Variants in SPAG16 observed in about 807,000 individuals in gnomAD.
SPAG16 encodes sperm associated antigen 16, also known as sperm-associated antigen 16 protein.
A neutral mutation model predicts 80.4 loss-of-function variants in SPAG16; 86 were observed. The observed-to-expected ratio is 1.07, with a 90% CI of 0.90 to 1.28. The LOEUF (loss-of-function observed/expected upper bound fraction) is 1.28, where lower values mean the gene tolerates loss of function less well. SPAG16 is among the 50% of genes most tolerant of loss of function. The probability of loss-of-function intolerance (pLI) is 0.00; values close to 1 mark genes in which losing one functional copy is unlikely to be tolerated. For missense variants in SPAG16, 870 were observed against 765.3 expected, an observed-to-expected ratio of 1.14 and a Z score of -1.61; for synonymous variants, 294 against 265.9, an observed-to-expected ratio of 1.11 and a Z score of -1.03.
chr2:214,166,427 G>A (rs1000806837), intron 15 of SPAG16, among the ~76,000 whole-genome samples: 1 of 152,126 alleles, frequency 6.6e-6, no homozygotes, highest in Non-Finnish European at 1.5e-5. Context: ...CCGGGCTCGG[G>A]TGCACTTGCA....
At chr2:213,719,350 G>T (rs2066405275) in intron 10 of SPAG16, among the ~76,000 whole-genome samples, 1 of 152,058 alleles carries the variant, frequency 6.6e-6, no homozygotes. Context: ...CCTGTGTTTA[G>T]CTCAAGGTTT....
At chr2:214,312,788 T>C (rs1387390200) in intron 15 of SPAG16, among the ~76,000 whole-genome samples, 1 of 152,182 alleles carries the variant, frequency 6.6e-6, no homozygotes, top group Non-Finnish European at 1.5e-5. Context: ...CATTTAGATA[T>C]TCTAAGCAAA....
chr2:213,654,368 T>G (rs932770170), intron 10 of SPAG16, among the ~76,000 whole-genome samples: 45 of 151,700 alleles, frequency 3.0e-4, no homozygotes, highest in Non-Finnish European at 4.1e-4. Context: ...TTTGTTTGTT[T>G]GTTTGTTTGT....
chr2:214,306,266 A>T (rs768808225), intron 15 of SPAG16, among the ~76,000 whole-genome samples: 13 of 152,232 alleles, frequency 8.5e-5, no homozygotes, highest in Admixed American at 3.3e-4. Context: ...TTTGTCAAAG[A>T]AGCTTTGGGG....
chr2:214,133,046 C>T (rs959604318), intron 14 of SPAG16, among the ~76,000 whole-genome samples: 6 of 151,454 alleles, frequency 4.0e-5, no homozygotes, highest in East Asian at 3.9e-4. Flanking sequence ...GAACTGAGAT[C>T]GTGCCACTGC....
At chr2:213,326,564 A>G (rs989088686) in intron 5 of SPAG16, among the ~76,000 whole-genome samples, 2 of 151,982 alleles carry the variant, frequency 1.3e-5, no homozygotes, top group African/African-American at 4.8e-5. Flanking sequence ...CATTTTGGCC[A>G]TCCAACAGTT....
intron 11 of SPAG16, among the ~76,000 whole-genome samples, chr2:213,877,217 T>C (rs1376221539): frequency 1.3e-5 from 2 of 152,198 alleles, no homozygotes; most frequent in Non-Finnish European, 2.9e-5. Flanking sequence ...TAAGGATATC[T>C]TTCCCCAACC....
At chr2:213,925,061 G>A (rs2078404873) in intron 11 of SPAG16, among the ~76,000 whole-genome samples, 2 of 151,962 alleles carry the variant, frequency 1.3e-5, no homozygotes, top group African/African-American at 4.8e-5. Context: ...ACTGAATTTA[G>A]TAAAGCCTAA....
chr2:213,763,445 C>T (rs2068766241), intron 10 of SPAG16, among the ~76,000 whole-genome samples: 1 of 152,114 alleles, frequency 6.6e-6, no homozygotes, highest in Admixed American at 6.5e-5. Context: ...AAAAATACTG[C>T]ATGATCTCAC....
chr2:214,333,097 G>A (rs1473285003), intron 15 of SPAG16, among the ~76,000 whole-genome samples: 1 of 152,144 alleles, frequency 6.6e-6, no homozygotes, highest in East Asian at 1.9e-4. Flanking sequence ...AATGACTACT[G>A]TATACCCCTT....
At chr2:214,034,361 C>A (rs1190882591) in intron 13 of SPAG16, among the ~76,000 whole-genome samples, 1 of 152,214 alleles carries the variant, frequency 6.6e-6, no homozygotes, top group Non-Finnish European at 1.5e-5. Context: ...CATGTGTTCT[C>A]CAGATTTCAC....
chr2:214,356,733 G>T (rs1455240106), intron 15 of SPAG16, among the ~76,000 whole-genome samples: 4 of 151,752 alleles, frequency 2.6e-5, no homozygotes, highest in African/African-American at 9.7e-5. Context: ...TCACGCCACA[G>T]TTTTCTCTCT....
At chr2:214,326,411 G>T (rs2126002725) in intron 15 of SPAG16, among the ~76,000 whole-genome samples, 1 of 152,242 alleles carries the variant, frequency 6.6e-6, no homozygotes. Flanking sequence ...CTTCAGAACT[G>T]GGAGAGAAGC....
At chr2:213,832,977 A>C (rs1041576441) in intron 10 of SPAG16, among the ~76,000 whole-genome samples, 1 of 152,104 alleles carries the variant, frequency 6.6e-6, no homozygotes, top group Non-Finnish European at 1.5e-5. Flanking sequence ...TTCTGCTATG[A>C]AATTTGTATA....
intron 10 of SPAG16, among the ~76,000 whole-genome samples, chr2:213,663,439 G>A (rs2063494425): frequency 6.6e-6 from 1 of 152,020 alleles, no homozygotes; most frequent in Non-Finnish European, 1.5e-5. Context: ...GTTGTATTTT[G>A]TATGTAACAC....
chr2:213,620,281 G>GTTTTTTTTTTGTTTTT (rs2061727981), intron 10 of SPAG16, among the ~76,000 whole-genome samples: 1 of 82,802 alleles, frequency 1.2e-5, no homozygotes, highest in African/African-American at 5.3e-5. Context: ...AATTTATTGA[G>GTTTTTTTTTTGTTTTT]TTTTTTTTTT....
chr2:213,860,466 T>A lies in SPAG16; in HGVS notation c.1071-2019T>A, dbSNP rs1380130698. On this transcript the variant is annotated intron_variant, in intron 10 of 15. Transcript: ENST00000331683. ...AGATATATGTATATATATACAGATA[T>A]ATCTATCTATATATATATATACACA... 2.4e-5 allele frequency among the ~76,000 whole-genome samples: 3 copies of A among 124,724 alleles called. No individual in the cohort carries two copies. The East Asian group carries it at 7.3e-4, about 30-fold the overall frequency. The allele number at this position is 124,724 out of a possible 152,430, so 81.8% of individuals were successfully genotyped here.
intron 9 of SPAG16, among the ~76,000 whole-genome samples, chr2:213,378,123 C>G (rs1380912972): frequency 6.6e-6 from 1 of 152,016 alleles, no homozygotes; most frequent in Non-Finnish European, 1.5e-5. Flanking sequence ...GAGGCTAGGC[C>G]AGTCTGGTCT....
intron 10 of SPAG16, among the ~76,000 whole-genome samples, chr2:213,790,350 A>G (rs2070615753): frequency 6.6e-6 from 1 of 151,960 alleles, no homozygotes; most frequent in Non-Finnish European, 1.5e-5. Flanking sequence ...GTTCAAGTCC[A>G]GTGGATCATT....
Sources: allele counts gnomAD v4.1 joint callset (sites outside exome capture counted in the v4.1 genomes callset), GRCh38; gene constraint gnomAD v4.1.1; transcripts MANE v1.5; gene names NCBI Gene and HGNC (gene_info 2026-07-23, HGNC 2026-07-21).